CNKSR3: variants seen among roughly 807,000 people sequenced by gnomAD.
CNKSR3 encodes the protein connector enhancer of kinase suppressor of ras 3.
A neutral mutation model predicts 67.7 loss-of-function variants in CNKSR3; 36 were observed. That is an observed-to-expected ratio of 0.53 (90% CI 0.41 to 0.70). CNKSR3 has a LOEUF of 0.70. Among genes scored for constraint, CNKSR3 ranks in the 30% least tolerant of loss-of-function variants. The pLI is 0.00. For synonymous variants in CNKSR3, 281 were observed against 271.4 expected, an observed-to-expected ratio of 1.04 and a Z score of -0.35; for missense variants, 630 against 695.2, an observed-to-expected ratio of 0.91 and a Z score of 1.05.
chr6:154,481,491 A>C (rs547001382), intron 1 of CNKSR3, among the ~76,000 whole-genome samples: 19 of 152,362 alleles, frequency 1.2e-4, no homozygotes, highest in African/African-American at 3.6e-4. Flanking sequence ...GTCACTGAGC[A>C]TGAAAGTCCA....
chr6:154,441,161 T>A (rs1785572182), intron 4 of CNKSR3, 131 bp downstream of exon 4: 2 of 605,024 alleles, frequency 3.3e-6, no homozygotes, highest in South Asian at 4.6e-5. Flanking sequence ...TCTTCCCAGC[T>A]CTGATGGAAA....
chr6:154,494,266 C>T (rs141683220), intron 1 of CNKSR3, among the ~76,000 whole-genome samples: 45 of 152,026 alleles, frequency 3.0e-4, no homozygotes, highest in African/African-American at 5.8e-4. Flanking sequence ...AAGGGGGACG[C>T]CCCTTATAAA....
In CNKSR3 at chr6:154,395,354, T is replaced by C. The variant is rs1407082084; in HGVS notation, c.*11000A>G. 6.6e-6 allele frequency: 1 copy of C among 152,196 alleles called. No individual in the cohort carries two copies. The highest frequency in any genetic ancestry group is 2.4e-5 in the African/African-American group (1 of 41,454). 9.4% of individuals were successfully genotyped at this position (152,196 alleles called of 1,614,324 possible). ...TGGTAACAGTCATCATCATCATCCA[T>C]TGCTGTTTACAAAGGAGACTCTGTA... is the stretch of plus-strand genomic sequence containing the variant. On this transcript the variant is annotated 3_prime_UTR_variant, in exon 13 of 13. Coordinates refer to ENST00000607772, the MANE Select transcript of CNKSR3 (RefSeq NM_173515.4).
chr6:154,510,042 A>AC (rs755910078), intron 1 of CNKSR3, 21 bp downstream of exon 1: 106 of 1,612,318 alleles, frequency 6.6e-5, no homozygotes, highest in African/African-American at 3.2e-4. Context: ...AGGACTCCGG[A>AC]CCCCCCCAAG....
chr6:154,494,158 T>C (rs1306983199), intron 1 of CNKSR3, among the ~76,000 whole-genome samples: 1 of 151,906 alleles, frequency 6.6e-6, no homozygotes, highest in African/African-American at 2.4e-5. Context: ...CAGTTCCACA[T>C]GGCTGGGGAG....
At chr6:154,419,467 T>A (rs1785093641) in intron 9 of CNKSR3, among the ~76,000 whole-genome samples, 1 of 152,206 alleles carries the variant, frequency 6.6e-6, no homozygotes, top group Non-Finnish European at 1.5e-5. Flanking sequence ...AGCTGGCACC[T>A]GTTGGAATGG....
chr6:154,499,634 T>C (rs1489044007), intron 1 of CNKSR3, among the ~76,000 whole-genome samples: 1 of 152,138 alleles, frequency 6.6e-6, no homozygotes, highest in Non-Finnish European at 1.5e-5. Flanking sequence ...GTTTTTTTAA[T>C]GTGGGGGGTT....
chr6:154,456,874 T>C (rs536577260), intron 1 of CNKSR3, among the ~76,000 whole-genome samples: 5 of 152,230 alleles, frequency 3.3e-5, no homozygotes, highest in African/African-American at 9.6e-5. Context: ...TAAGATACTC[T>C]CTACTGGAAA....
intron 2 of CNKSR3, among the ~76,000 whole-genome samples, chr6:154,443,084 G>C (rs1374412838): frequency 6.6e-6 from 1 of 152,042 alleles, no homozygotes; most frequent in Non-Finnish European, 1.5e-5. Flanking sequence ...TTTTAGTAGA[G>C]ACGGGGTTTC....
At chr6:154,443,189 C>T (rs1263492392) in intron 2 of CNKSR3, among the ~76,000 whole-genome samples, 8 of 152,198 alleles carry the variant, frequency 5.3e-5, no homozygotes, top group African/African-American at 1.9e-4. Flanking sequence ...TGAGCCACCG[C>T]GCCTGGCCGA....
At chr6:154,419,031 GCT>G (rs1785080745) in intron 9 of CNKSR3, among the ~76,000 whole-genome samples, 1 of 109,866 alleles carries the variant, frequency 9.1e-6, no homozygotes, top group South Asian at 2.6e-4. Context: ...TTACTCTCTT[GCT>G]TTTTTTTTTT....
chr6:154,435,837 T>C (rs1449444858), intron 4 of CNKSR3, among the ~76,000 whole-genome samples: 1 of 152,258 alleles, frequency 6.6e-6, no homozygotes, highest in African/African-American at 2.4e-5. Flanking sequence ...TGCAGTAGGT[T>C]TAACTTCTCT....
At chr6:154,453,547 A>G (rs1361455379) in intron 1 of CNKSR3, among the ~76,000 whole-genome samples, 3 of 152,224 alleles carry the variant, frequency 2.0e-5, no homozygotes, top group Non-Finnish European at 2.9e-5. Context: ...CTGCCCACAT[A>G]AGAATAGAAT....
At chr6:154,462,555 C>A (rs1329720388) in intron 1 of CNKSR3, among the ~76,000 whole-genome samples, 11 of 152,308 alleles carry the variant, frequency 7.2e-5, no homozygotes. Flanking sequence ...ATAAAATCTA[C>A]AGCCAAAAAG....
chr6:154,404,866 A>G lies in CNKSR3; in HGVS notation c.*1488T>C, dbSNP rs544697138. ...CAAACAAACAAAAAAAACCAGCCTGACTGAATTCAGTCACAGTAATTATAC... is the reference window on the plus strand; with the variant it reads ...CAAACAAACAAAAAAAACCAGCCTGGCTGAATTCAGTCACAGTAATTATAC... On this transcript the variant is annotated 3_prime_UTR_variant, in exon 13 of 13. Transcript: ENST00000607772. 2 of 152,412 alleles carry G rather than the reference A, an allele frequency of 1.3e-5. No homozygotes were observed. The highest frequency in any genetic ancestry group is 4.1e-4 in the South Asian group (2 of 4,830). The allele number at this position is 152,412 out of a possible 1,614,324, so 9.4% of individuals were successfully genotyped here.
rs1786610926 is a variant in CNKSR3, at chr6:154,483,622, GAC to G, written c.52+26439_52+26440del. On this transcript the variant is annotated intron_variant, in intron 1 of 12. Transcript: ENST00000607772. ...TGGAGCATGGCCAACCCCTAGGCAGGACACAGAGTCAGCCTTATTATTTTTTA... is the reference window on the plus strand; with the variant it reads ...TGGAGCATGGCCAACCCCTAGGCAGGACAGAGTCAGCCTTATTATTTTTTA... Among the ~76,000 whole-genome samples, 3 of 151,790 alleles carry G rather than the reference GAC, an allele frequency of 2.0e-5. No individual in the cohort carries two copies. The South Asian group carries it at 6.2e-4, about 32-fold the overall frequency.
intron 9 of CNKSR3, among the ~76,000 whole-genome samples, chr6:154,420,667 C>G (rs941668358): frequency 1.7e-5 from 2 of 115,432 alleles, no homozygotes; most frequent in Non-Finnish European, 3.3e-5. Flanking sequence ...CCAGCCTGGG[C>G]GACAGAGCGA....
Position 154,388,204 on chromosome 6 carries a change from C to G in CNKSR3, c.*18150G>C, listed in dbSNP as rs1360224228. 1 of 152,178 alleles carries G rather than the reference C, an allele frequency of 6.6e-6. No individual in the cohort carries two copies. Among genetic ancestry groups the G allele is most frequent in the Non-Finnish European group, 1.5e-5 (1 of 68,040 alleles). The allele number at this position is 152,178 out of a possible 1,614,324, so 9.4% of individuals were successfully genotyped here. On this transcript the variant is annotated 3_prime_UTR_variant, in exon 13 of 13. Coordinates refer to ENST00000607772, the MANE Select transcript of CNKSR3 (RefSeq NM_173515.4). ...TCAGCCCCTGGCCACCATCATTTCA[C>G]TCTTTGGTTCTATGAAGTTGACTAT...
intron 2 of CNKSR3, among the ~76,000 whole-genome samples, chr6:154,443,741 C>T (rs908079077): frequency 6.6e-6 from 1 of 152,140 alleles, no homozygotes; most frequent in African/African-American, 2.4e-5. Context: ...TGTTTGTACT[C>T]CAAGCTACTC....
Sources: gnomAD v4.1 joint callset for allele counts (sites outside exome capture counted in the v4.1 genomes callset) on GRCh38, gnomAD v4.1.1 for gene constraint, MANE v1.5 for transcripts, NCBI Gene and HGNC (gene_info 2026-07-23, HGNC 2026-07-21) for gene names.